The following FAT1 variants were observed in gnomAD, a reference collection of about 807,000 sequenced individuals.
The protein encoded by FAT1 is protocadherin Fat 1.
FAT1 carries 171 observed loss-of-function variants against 329.8 expected under a neutral mutation model. The observed-to-expected ratio is 0.52, with a 90% CI of 0.46 to 0.59. FAT1 has a LOEUF of 0.59. Ranked by LOEUF, FAT1 falls within the 20% of genes least tolerant of loss-of-function variation. The pLI, the probability that FAT1 is intolerant of heterozygous loss-of-function variation, is 0.00. For missense variants in FAT1, 5,672 were observed against 5,774.4 expected (o/e 0.98, Z 0.57); for synonymous variants, 2,233 against 2,228.6 (o/e 1.00, Z -0.06).
rs188588246 is a variant in FAT1 at position 186,616,575 on chromosome 4, G to C, written c.9075+430C>G. Among the ~76,000 whole-genome samples the C allele has an allele frequency of 9.7e-3, 1,473 of 152,092 alleles. 24 individuals are homozygous for C. Among genetic ancestry groups the C allele is most frequent in the African/African-American group, 0.032 (1,323 of 41,380 alleles). ...ACTTTTAGTTCCCACTGAATGGTGA[G>C]CCGCGCAGATGCAGGAAGCACGCTG... On this transcript the variant is annotated intron_variant, in intron 11 of 26. Transcript: ENST00000441802.
chr4:186,604,686 T>C (rs1433181531), intron 17 of FAT1, 112 bp from the exon 18 acceptor site: 6 of 653,832 alleles, frequency 9.2e-6, no homozygotes, highest in Non-Finnish European at 1.5e-5. Flanking sequence ...ACAAAGCCTT[T>C]CTGCTCTATC....
At chr4:186,625,019 C>T (rs1740232392) in intron 9 of FAT1, among the ~76,000 whole-genome samples, 1 of 152,324 alleles carries the variant, frequency 6.6e-6, no homozygotes, top group African/African-American at 2.4e-5. Context: ...ATTATCTATT[C>T]ATGGAGGAGG....
intron 2 of FAT1, among the ~76,000 whole-genome samples, chr4:186,684,572 G>A (rs140229327): frequency 1.2e-3 from 189 of 152,156 alleles, no homozygotes; most frequent in African/African-American, 4.3e-3. Flanking sequence ...CATTTCTTTA[G>A]GACACTTTAA....
At chr4:186,720,254 G>A (rs575827004) in intron 1 of FAT1, among the ~76,000 whole-genome samples, 8 of 152,110 alleles carry the variant, frequency 5.3e-5, no homozygotes, top group African/African-American at 1.9e-4. Context: ...CAGCTTATTT[G>A]TTTTCACCTT....
intron 7 of FAT1, 29 bp from the exon 8 acceptor site, chr4:186,628,792 A>G (rs776373063): frequency 1.3e-6 from 2 of 1,590,238 alleles, no homozygotes; most frequent in South Asian, 2.3e-5. Flanking sequence ...TGACTCATAC[A>G]ATATTTCCAA....
Position 186,624,336 on chromosome 4 carries a change from C to T in FAT1, c.4811-2561G>A, listed in dbSNP as rs189392808. ...AACTGTGAAGGGGAGTCTGTTTCTT[C>T]CCCTGTAGACACACACTGGATGTTC... On this transcript the variant is annotated intron_variant, in intron 9 of 26. Transcript: ENST00000441802. Among the ~76,000 whole-genome samples the T allele has an allele frequency of 3.3e-5, 5 of 152,284 alleles. No individual in the cohort carries two copies. In the East Asian group the frequency reaches 7.7e-4, roughly 24 times the overall value.
At chr4:186,594,203 G>C (rs1394617457) in intron 26 of FAT1, among the ~76,000 whole-genome samples, 2 of 151,916 alleles carry the variant, frequency 1.3e-5, no homozygotes, top group East Asian at 2.0e-4. Flanking sequence ...GTAGCTGGGA[G>C]TACAGGTGCC....
intron 2 of FAT1, among the ~76,000 whole-genome samples, chr4:186,702,446 T>C (rs1162196123): frequency 6.6e-6 from 1 of 152,142 alleles, no homozygotes; most frequent in Non-Finnish European, 1.5e-5. Context: ...TATACTAACA[T>C]TAACAGCCAA....
rs1370080540 is a variant in FAT1 at position 186,633,681 on chromosome 4, T to A, written c.4323+3A>T. ...ACAAGTGTGTCATTAGTAATTCACT[T>A]ACCTGAGTGAGGATAGTGGTGGTTC... On this transcript the variant is annotated splice_donor_region_variant and intron_variant, in intron 7 of 26. Coordinates refer to ENST00000441802, the MANE Select transcript of FAT1 (RefSeq NM_005245.4). 6.2e-7 allele frequency: 1 copy of A among 1,613,908 alleles called. No individual in the cohort carries two copies. Among genetic ancestry groups the A allele is most frequent in the Admixed American group, 1.7e-5 (1 of 60,020 alleles).
intron 20 of FAT1, among the ~76,000 whole-genome samples, chr4:186,601,920 A>G (rs575580568): frequency 6.6e-6 from 1 of 152,376 alleles, no homozygotes; most frequent in African/African-American, 2.4e-5. Context: ...GATAACATCA[A>G]TATAAATGAT....
chr4:186,651,123 CAAAT>C (rs1741631736), intron 3 of FAT1, among the ~76,000 whole-genome samples: 1 of 144,788 alleles, frequency 6.9e-6, no homozygotes, highest in Non-Finnish European at 1.5e-5. Flanking sequence ...TAATAATTAA[CAAAT>C]AATTACTAAA....
At position 186,613,283 on chromosome 4, in the gene FAT1, C is replaced by T. The variant is rs768112959; in HGVS notation, c.9289G>A (p.Val3097Ile). 6 of 1,613,946 alleles carry T rather than the reference C, an allele frequency of 3.7e-6. No individual in the cohort carries two copies. In the African/African-American group the frequency reaches 4.0e-5, roughly 11 times the overall value. ...CTTCCTCCTCCATCTGTGGCCCTGA[C>T]GAGAAGATGATAAACAGCTTGCTCC... ...REEQAVYHLL[V>I]RATDGGGRFC... Residue 3097 changes from valine to isoleucine, a missense_variant, in exon 13 of 27, where the codon GTC becomes ATC. Val to Ile is a conservative substitution (Grantham distance 29, BLOSUM62 3). Coordinates refer to ENST00000441802, the MANE Select transcript of FAT1 (RefSeq NM_005245.4).
rs1188233557 is a variant in FAT1, at chr4:186,588,876, G to C, written c.13483C>G (p.Pro4495Ala). The change falls in exon 27 of 27, where the codon CCC (proline) becomes GCC (alanine). Residue 4495 changes from proline to alanine, a missense_variant. Physicochemically the swap from Pro to Ala is conservative, Grantham distance 27 (BLOSUM62 -1). Transcript: ENST00000441802. Reference protein sequence around the residue: ...NLNQYLPNFYPLDMSEPQTKG... With the variant: ...NLNQYLPNFYALDMSEPQTKG... The stretch of plus-strand genomic sequence containing the variant: ...GTTTGAGGTTCAGACATATCGAGGG[G>C]ATAAAAATTGGGCAAATACTGATTC... The C allele has an allele frequency of 6.2e-7, 1 of 1,613,968 alleles. No individual in the cohort carries two copies. The highest frequency in any genetic ancestry group is 1.1e-5 in the South Asian group (1 of 91,084).
intron 2 of FAT1, among the ~76,000 whole-genome samples, chr4:186,701,481 A>C (rs1227955770): frequency 6.6e-6 from 1 of 152,116 alleles, no homozygotes; most frequent in Non-Finnish European, 1.5e-5. Context: ...CAGCAACACA[A>C]AAGCCCTTTC....
At position 186,628,540 on chromosome 4, in the gene FAT1, G is replaced by A. The variant is rs776839007; in HGVS notation, c.4547C>T (p.Thr1516Ile). The change falls in exon 8 of 27, where the codon ACT becomes ATT. Residue 1516 changes from threonine to isoleucine, a missense_variant. Transcript: ENST00000441802. ...RLDPATGSLY[T>I]SEKLDHEAVH... ...AGCTTCATGATCCAGTTTCTCAGAA[G>A]TATAGAGAGAGCCGGTTGCAGGATC... 12 of 1,614,018 alleles carry A rather than the reference G, an allele frequency of 7.4e-6. No homozygotes were observed. In the South Asian group the frequency reaches 1.3e-4, roughly 18 times the overall value.
At chr4:186,637,254 A>T (rs1740877533) in intron 4 of FAT1, among the ~76,000 whole-genome samples, 1 of 152,254 alleles carries the variant, frequency 6.6e-6, no homozygotes, top group Admixed American at 6.5e-5. Flanking sequence ...TAATACCTTT[A>T]GGCCATGGAA....
rs2126355029 is a variant in FAT1 at position 186,589,050 on chromosome 4, G to C, written c.13309C>G (p.Pro4437Ala). 6.2e-7 allele frequency: 1 copy of C among 1,613,960 alleles called. No homozygotes were observed. The highest frequency in any genetic ancestry group is 8.5e-7 in the Non-Finnish European group (1 of 1,179,892). ...GGYDIESDFPPPPEDFPAADE... is the reference protein window; with the variant it reads ...GGYDIESDFPAPPEDFPAADE... ...GCTGCGGGGAAGTCTTCTGGGGGTGGAGGAAAATCACTTTCGATGTCGTAG... is the reference window on the plus strand; with the variant it reads ...GCTGCGGGGAAGTCTTCTGGGGGTGCAGGAAAATCACTTTCGATGTCGTAG... Residue 4437 changes from proline (P) to alanine (A), a missense_variant, in exon 27 of 27, where the codon CCA becomes GCA. Coordinates refer to ENST00000441802, the MANE Select transcript of FAT1 (RefSeq NM_005245.4).
In FAT1 at chr4:186,663,755, T is replaced by C. The variant is rs979935932; in HGVS notation, c.3266-142A>G. ...AACCTTGAGCAGGTTAACCAGCCTT[T>C]CTGTGACTCAGCTTCCTTTCTTCTA... On this transcript the variant is annotated intron_variant, in intron 2 of 26. Transcript: ENST00000441802. The C allele has an allele frequency of 6.9e-5, 43 of 623,012 alleles. No homozygotes were observed. The South Asian group carries it at 9.1e-4, about 13-fold the overall frequency. 38.6% of individuals were successfully genotyped at this position (623,012 alleles called of 1,614,324 possible). A position where few individuals can be genotyped will look rare whatever the true frequency, so the allele number is the denominator to read the frequency against.
rs769584191 is a variant in FAT1 at position 186,606,136 on chromosome 4, G to C, written c.10284C>G (p.Ile3428Met). 6.2e-7 allele frequency: 1 copy of C among 1,613,280 alleles called. No individual in the cohort carries two copies. The highest frequency in any genetic ancestry group is 8.5e-7 in the Non-Finnish European group (1 of 1,179,784). Reference sequence around the variant, plus strand: ...CGTTGTCATTGACATCGGACACATCGATGTTCACGGTCGTCGTGTTGACTC... The same window carrying C: ...CGTTGTCATTGACATCGGACACATCCATGTTCACGGTCGTCGTGTTGACTC... ...PPRVNTTTVN[I>M]DVSDVNDNAP... The change falls in exon 17 of 27, where the codon ATC becomes ATG. Residue 3428 changes from isoleucine (I) to methionine (M), a missense_variant. Transcript: ENST00000441802.
Sources: allele counts gnomAD v4.1 joint callset (sites outside exome capture counted in the v4.1 genomes callset), GRCh38; gene constraint gnomAD v4.1.1; transcripts MANE v1.5; gene names NCBI Gene and HGNC (gene_info 2026-07-23, HGNC 2026-07-21).